The following KIAA1217 variants were observed in gnomAD, a reference collection of about 807,000 sequenced individuals.
KIAA1217 encodes sickle tail protein homolog.
In KIAA1217, 88 loss-of-function variants were observed where a neutral mutation model predicts 163.9. The ratio of observed to expected loss-of-function variants is 0.54; its 90% CI spans 0.45 to 0.64. The LOEUF is 0.64. KIAA1217 is among the 30% of genes least tolerant of loss of function. The pLI, the probability that KIAA1217 is intolerant of heterozygous loss-of-function variation, is 0.00. For missense variants in KIAA1217, 2,372 were observed against 2,475.0 expected (o/e 0.96, Z 0.88); for synonymous variants, 903 against 923.1 (o/e 0.98, Z 0.39).
chr10:24,289,884 C>T (rs1352311665), intron 2 of KIAA1217, among the ~76,000 whole-genome samples: 1 of 152,078 alleles, frequency 6.6e-6, no homozygotes, highest in Non-Finnish European at 1.5e-5. Flanking sequence ...TGGGCAAGTG[C>T]TAGATCATGG....
intron 2 of KIAA1217, among the ~76,000 whole-genome samples, chr10:24,056,724 T>C (rs2060544808): frequency 6.6e-6 from 1 of 152,014 alleles, no homozygotes; most frequent in Non-Finnish European, 1.5e-5. Context: ...CAAATGACCA[T>C]GAGTAAGAGG....
intron 2 of KIAA1217, among the ~76,000 whole-genome samples, chr10:24,145,444 T>C (rs1217397005): frequency 6.6e-6 from 1 of 152,212 alleles, no homozygotes; most frequent in Non-Finnish European, 1.5e-5. Context: ...AGTTAATTGT[T>C]GTCAAAGAAT....
At chr10:24,519,978 C>G (rs772749742) in intron 10 of KIAA1217, 145 bp from the exon 11 acceptor site, 76 of 868,416 alleles carry the variant, frequency 8.8e-5, no homozygotes, top group Non-Finnish European at 5.3e-5. Flanking sequence ...ATGAGCGACC[C>G]CCCTCCACCA....
chr10:24,095,967 G>T (rs1041977037), intron 2 of KIAA1217, among the ~76,000 whole-genome samples: 14 of 152,158 alleles, frequency 9.2e-5, no homozygotes, highest in African/African-American at 3.1e-4. Flanking sequence ...CATTAGCTAG[G>T]CATGGTGGTA....
At chr10:24,404,197 A>T (rs973244630) in intron 3 of KIAA1217, among the ~76,000 whole-genome samples, 2 of 152,234 alleles carry the variant, frequency 1.3e-5, no homozygotes, top group Admixed American at 6.5e-5. Context: ...GGGTCAAGCG[A>T]GGAGCCTCCC....
Position 24,059,871 on chromosome 10 carries a change from C to A in KIAA1217, c.-171+52497C>A, listed in dbSNP as rs192215149. ...TGAGCCACTGCGCCTGGCCTCTATG[C>A]GAGTTTTCTATTTCTTCATCACCCA... is the stretch of plus-strand genomic sequence containing the variant. On this transcript the variant is annotated intron_variant, in intron 2 of 18. Coordinates refer to the KIAA1217 transcript ENST00000376462. 3.3e-3 allele frequency among the ~76,000 whole-genome samples: 506 copies of A among 152,170 alleles called. 5 individuals are homozygous for A. The highest frequency in any genetic ancestry group is 5.4e-3 in the South Asian group (26 of 4,812).
chr10:23,951,952 T>C (rs1844355232), intron 1 of KIAA1217, among the ~76,000 whole-genome samples: 2 of 152,206 alleles, frequency 1.3e-5, no homozygotes, highest in South Asian at 4.1e-4. Flanking sequence ...GTATTCACTT[T>C]CTTAGGACTC....
intron 1 of KIAA1217, among the ~76,000 whole-genome samples, chr10:23,714,913 T>G (rs193275548): frequency 3.9e-5 from 6 of 152,282 alleles, no homozygotes; most frequent in African/African-American, 1.4e-4. Context: ...AAAGGGTATA[T>G]GTGCTTTAGC....
At chr10:24,168,842 C>T (rs2065481295) in intron 2 of KIAA1217, among the ~76,000 whole-genome samples, 2 of 152,290 alleles carry the variant, frequency 1.3e-5, no homozygotes, top group South Asian at 4.1e-4. Context: ...TTTTTCTTTT[C>T]TTAAGCAAAG....
chr10:24,331,060 C>T (rs758064733), intron 2 of KIAA1217, among the ~76,000 whole-genome samples: 2 of 152,096 alleles, frequency 1.3e-5, no homozygotes, highest in African/African-American at 2.4e-5. Flanking sequence ...CCTCCCACCT[C>T]GGTCTCCCAG....
intron 1 of KIAA1217, among the ~76,000 whole-genome samples, chr10:23,760,281 G>A (rs1325078889): frequency 2.0e-5 from 3 of 152,210 alleles, no homozygotes; most frequent in African/African-American, 7.2e-5. Context: ...TGAGAGTGCT[G>A]GCTGGGATGA....
At chr10:24,404,278 CTA>C (rs1263167440) in intron 3 of KIAA1217, among the ~76,000 whole-genome samples, 3 of 151,962 alleles carry the variant, frequency 2.0e-5, no homozygotes, top group African/African-American at 7.2e-5. Flanking sequence ...CCTTTTAAAA[CTA>C]AAAGTGGGCC....
rs551431884 is a variant in KIAA1217, at chr10:23,764,792, T to G, written c.-321+69558T>G. Among the ~76,000 whole-genome samples the G allele has an allele frequency of 1.4e-4, 22 of 151,772 alleles. No individual in the cohort carries two copies. In the South Asian group the frequency reaches 4.4e-3, roughly 30 times the overall value. On this transcript the variant is annotated intron_variant, in intron 1 of 18. Coordinates refer to the KIAA1217 transcript ENST00000376462. The stretch of plus-strand genomic sequence containing the variant: ...GGGAACATCACACACCAGGGCCTGT[T>G]GAGGGGTGGGGCCTGAGGGGTGGGA...
chr10:24,344,827 T>A (rs1258232031), intron 2 of KIAA1217, among the ~76,000 whole-genome samples: 3 of 152,218 alleles, frequency 2.0e-5, no homozygotes, highest in East Asian at 1.9e-4. Context: ...ATGGTAGGAA[T>A]GTGTCTTGGA....
At chr10:24,220,910 C>G (rs1449904761) in intron 2 of KIAA1217, among the ~76,000 whole-genome samples, 3 of 152,008 alleles carry the variant, frequency 2.0e-5, no homozygotes, top group Non-Finnish European at 2.9e-5. Context: ...AGACATGCAG[C>G]ACCATGCCTG....
At chr10:24,447,086 C>G (rs1169012379) in intron 5 of KIAA1217, among the ~76,000 whole-genome samples, 1 of 152,108 alleles carries the variant, frequency 6.6e-6, no homozygotes, top group Non-Finnish European at 1.5e-5. Context: ...CACTCACTGT[C>G]CCTTCTCGAA....
intron 1 of KIAA1217, among the ~76,000 whole-genome samples, chr10:23,866,703 C>T (rs934040145): frequency 2.6e-5 from 4 of 152,020 alleles, no homozygotes; most frequent in African/African-American, 4.8e-5. Flanking sequence ...ACTCTCCCAG[C>T]TTGGCAGCAC....
chr10:24,082,348 A>G (rs1029812961), intron 2 of KIAA1217, among the ~76,000 whole-genome samples: 2 of 152,006 alleles, frequency 1.3e-5, no homozygotes, highest in Admixed American at 1.3e-4. Context: ...CCCATCACCT[A>G]GGTATTAAGC....
rs1216360180 is a variant in KIAA1217, at chr10:23,695,692, G to C, written c.-321+458G>C. Among the ~76,000 whole-genome samples the C allele has an allele frequency of 6.6e-6, 1 of 152,200 alleles. No homozygotes were observed. Among genetic ancestry groups the C allele is most frequent in the Non-Finnish European group, 1.5e-5 (1 of 68,024 alleles). Reference sequence around the variant, plus strand: ...GCTGGAAGACAGGGGCAAGGAGAGAGAGAACCGGCCCCGAGACGGGCTGGA... The same window carrying C: ...GCTGGAAGACAGGGGCAAGGAGAGACAGAACCGGCCCCGAGACGGGCTGGA... On this transcript the variant is annotated intron_variant, in intron 1 of 18. Coordinates refer to the KIAA1217 transcript ENST00000376462. This position sits in a 1 kb window ranked among gnomAD's most constrained non-coding sequence, Gnocchi z 4.9.
Sources: gnomAD v4.1 joint callset for allele counts (sites outside exome capture counted in the v4.1 genomes callset) on GRCh38, gnomAD v4.1.1 for gene constraint, Gnocchi (gnomAD v3.1) non-coding constraint, MANE v1.5 for transcripts, NCBI Gene and HGNC (gene_info 2026-07-23, HGNC 2026-07-21) for gene names.